Variants in RIPK1 observed in about 807,000 individuals in gnomAD.
The protein encoded by RIPK1 is receptor-interacting serine/threonine-protein kinase 1.
Under a neutral mutation model 62.4 loss-of-function variants are expected in RIPK1, and 27 were observed. The ratio of observed to expected loss-of-function variants is 0.43; its 90% CI spans 0.32 to 0.60. RIPK1 has a LOEUF of 0.60. RIPK1 is among the 20% of genes least tolerant of loss of function. The pLI, the probability that RIPK1 is intolerant of heterozygous loss-of-function variation, is 0.07. For synonymous variants in RIPK1, 287 were observed against 303.2 expected, an observed-to-expected ratio of 0.95 and a Z score of 0.55; for missense variants, 735 against 831.0, an observed-to-expected ratio of 0.88 and a Z score of 1.42.
intron 10 of RIPK1, among the ~76,000 whole-genome samples, chr6:3,112,615 C>T (rs1561780556): frequency 6.6e-6 from 1 of 152,172 alleles, no homozygotes; most frequent in African/African-American, 2.4e-5. Flanking sequence ...ACTGCAGCCT[C>T]GAACTCCTGA....
chr6:3,065,211 C>G (rs550087371), upstream of RIPK1, among the ~76,000 whole-genome samples: 216 of 137,654 alleles, frequency 1.6e-3, no homozygotes, highest in Middle Eastern at 0.017. Flanking sequence ...GAGCTGAGAT[C>G]GCGCCACTGC....
intron 7 of RIPK1, among the ~76,000 whole-genome samples, chr6:3,099,248 TAAAAAAC>T (rs1760476502): frequency 6.6e-6 from 1 of 151,996 alleles, no homozygotes; most frequent in South Asian, 2.1e-4. Flanking sequence ...TGCCTACAAA[TAAAAAAC>T]AAAAATAGGC....
intron 1 of RIPK1, chr6:3,068,916 G>A (rs1758532673): frequency 6.4e-6 from 1 of 156,612 alleles, no homozygotes; most frequent in Non-Finnish European, 1.4e-5. Flanking sequence ...GAAGGAGAGG[G>A]ACTCTGCCCG....
intron 5 of RIPK1, among the ~76,000 whole-genome samples, chr6:3,084,465 C>A (rs373344552): frequency 0.057 from 1,291 of 22,520 alleles, 18 homozygotes; most frequent in African/African-American, 0.12. Flanking sequence ...TATCCTGCTT[C>A]TCTTCCTGGA....
intron 1 of RIPK1, among the ~76,000 whole-genome samples, chr6:3,070,767 G>A (rs1561742308): frequency 6.9e-6 from 1 of 145,764 alleles, no homozygotes; most frequent in Non-Finnish European, 1.5e-5. Context: ...TACTTTCTCC[G>A]TGTTTCTGAC....
intron 1 of RIPK1, among the ~76,000 whole-genome samples, chr6:3,073,041 G>A (rs557914463): frequency 5.6e-4 from 85 of 152,152 alleles, no homozygotes; most frequent in African/African-American, 7.5e-4. Context: ...ACATGTGGGC[G>A]GCTGGGCCAA....
chr6:3,072,580 G>A lies in RIPK1; in HGVS notation c.-61+3919G>A, dbSNP rs1269799826. On this transcript the variant is annotated intron_variant, in intron 1 of 10. Coordinates refer to ENST00000259808, the MANE Select transcript of RIPK1 (RefSeq NM_001354930.2). This position sits in a 1 kb window ranked among gnomAD's most constrained non-coding sequence, Gnocchi z 5.6. ...TTAAAATAGTTATTCAATTGATGAT[G>A]GGCCGGCATACGTTGGGTTCTGCTA... Among the ~76,000 whole-genome samples the A allele has an allele frequency of 6.6e-6, 1 of 152,074 alleles. No homozygotes were observed. Among genetic ancestry groups the A allele is most frequent in the African/African-American group, 2.4e-5 (1 of 41,386 alleles).
intron 9 of RIPK1, among the ~76,000 whole-genome samples, chr6:3,108,189 G>A (rs758657844): frequency 7.9e-5 from 12 of 151,926 alleles, no homozygotes; most frequent in Middle Eastern, 3.4e-3. Context: ...TTGAAGTGAG[G>A]TTAGAAAAGG....
chr6:3,081,040 A>C lies in RIPK1; in HGVS notation c.383A>C (p.Tyr128Ser). The change falls in exon 4 of 11, where the codon TAC becomes TCC. Residue 128 changes from tyrosine (Y) to serine (S), a missense_variant. Tyr to Ser is a moderately radical substitution (Grantham distance 144). Around this residue, in one of 2 missense-constraint regions of RIPK1, gnomAD observed 671 missense variants for 726.2 expected, o/e 0.92. Coordinates refer to ENST00000259808, the MANE Select transcript of RIPK1 (RefSeq NM_001354930.2). ...TTGGAAATCATTGAAGGAATGTGCT[A>C]CTTACATGGAAAAGGCGTGATACAC... is the stretch of plus-strand genomic sequence containing the variant. Reference protein sequence around the residue: ...IILEIIEGMCYLHGKGVIHKD... With the variant: ...IILEIIEGMCSLHGKGVIHKD... 6.2e-7 allele frequency: 1 copy of C among 1,614,164 alleles called. No individual in the cohort carries two copies. The highest frequency in any genetic ancestry group is 1.3e-5 in the African/African-American group (1 of 75,066).
Position 3,083,248 on chromosome 6 carries a change from A to G in RIPK1, c.623A>G (p.Lys208Arg). The change falls in exon 5 of 11, where the codon AAG becomes AGG. Residue 208 changes from lysine (K) to arginine (R), a missense_variant. Coordinates refer to ENST00000259808, the MANE Select transcript of RIPK1 (RefSeq NM_001354930.2). ...LNDVNAKPTE[K>R]SDVYSFAVVL... ...GACGTCAACGCAAAGCCCACAGAGA[A>G]GTCGGATGTGTACAGCTTTGCTGTA... 1 of 1,613,956 alleles carries G rather than the reference A, an allele frequency of 6.2e-7. No homozygotes were observed. The highest frequency in any genetic ancestry group is 8.5e-7 in the Non-Finnish European group (1 of 1,179,996).
intron 6 of RIPK1, among the ~76,000 whole-genome samples, chr6:3,087,559 C>CT (rs57546727): frequency 2.2e-3 from 315 of 140,314 alleles, no homozygotes; most frequent in African/African-American, 5.2e-3. Context: ...GTCTACTGAG[C>CT]TTTTTTTTTT....
chr6:3,106,631 C>T (rs1760863571), intron 9 of RIPK1, among the ~76,000 whole-genome samples: 1 of 152,182 alleles, frequency 6.6e-6, no homozygotes, highest in Admixed American at 6.5e-5. Flanking sequence ...CAGCATCTAC[C>T]AATGATACCC....
intron 9 of RIPK1, among the ~76,000 whole-genome samples, chr6:3,109,856 A>G (rs1761062659): frequency 6.6e-6 from 1 of 152,292 alleles, no homozygotes. Context: ...TGACCAGTCT[A>G]GGTACCTCAT....
chr6:3,111,894 T>C (rs1047248537), intron 10 of RIPK1, among the ~76,000 whole-genome samples: 4 of 152,086 alleles, frequency 2.6e-5, no homozygotes, highest in Non-Finnish European at 4.4e-5. Flanking sequence ...ATCTATAAGA[T>C]ATGGATAGAG....
Position 3,099,315 on chromosome 6 carries a change from C to A in RIPK1, c.916-4910C>A, listed in dbSNP as rs1016548297. Among the ~76,000 whole-genome samples the A allele has an allele frequency of 2.6e-5, 4 of 152,262 alleles. No individual in the cohort carries two copies. The East Asian group carries it at 7.7e-4, about 29-fold the overall frequency. ...ATCCCAGCACTTTGGGAGGCCGAGG[C>A]TGGTGGATCACGAGATCAGGAGATC... On this transcript the variant is annotated intron_variant, in intron 7 of 10. Transcript: ENST00000259808.
At chr6:3,066,689 C>T (rs1758394853), upstream of RIPK1, among the ~76,000 whole-genome samples, 1 of 152,168 alleles carries the variant, frequency 6.6e-6, no homozygotes, top group South Asian at 2.1e-4. Flanking sequence ...ATATTTGTCA[C>T]ACCTGATAAA....
chr6:3,068,471 C>T, upstream of RIPK1: 1 of 985,332 alleles, frequency 1.0e-6, no homozygotes. Flanking sequence ...AGGGCCGGGG[C>T]AGGGGGAGGA....
rs979583234 is a variant in RIPK1, at chr6:3,068,571, A to G, written c.-151A>G. On this transcript the variant is annotated 5_prime_UTR_variant, in exon 1 of 11. Coordinates refer to ENST00000259808, the MANE Select transcript of RIPK1 (RefSeq NM_001354930.2). ...GGAGCGCGGCGACTCCAGGGGACCC[A>G]CAGCTGGGGCGCCAGAGCGCGGCCA... 12 of 985,220 alleles carry G rather than the reference A, an allele frequency of 1.2e-5. No homozygotes were observed. Among genetic ancestry groups the G allele is most frequent in the Non-Finnish European group, 1.4e-5 (12 of 829,896 alleles). The allele number at this position is 985,220 out of a possible 1,614,324, so 61.0% of individuals were successfully genotyped here. A position where few individuals can be genotyped will look rare whatever the true frequency, so the allele number is the denominator to read the frequency against.
At chr6:3,087,742 T>C (rs373841572) in intron 6 of RIPK1, among the ~76,000 whole-genome samples, 112 of 151,970 alleles carry the variant, frequency 7.4e-4, no homozygotes, top group African/African-American at 2.7e-3. Context: ...GGTTTCACCG[T>C]GTTAGCCAGG....
Sources: allele counts gnomAD v4.1 joint callset (sites outside exome capture counted in the v4.1 genomes callset), GRCh38; gene constraint gnomAD v4.1.1; regional missense constraint gnomAD v4.1.1; non-coding constraint Gnocchi (gnomAD v3.1); transcripts MANE v1.5; gene names NCBI Gene and HGNC (gene_info 2026-07-23, HGNC 2026-07-21).